SART3: variants seen among roughly 807,000 people sequenced by gnomAD.
SART3 encodes the protein HIV-1 Tat-interacting protein of 110kDa.
Under a neutral mutation model 122.3 loss-of-function variants are expected in SART3, and 44 were observed. The ratio of observed to expected loss-of-function variants is 0.36; its 90% confidence interval spans 0.28 to 0.46. SART3 has a LOEUF of 0.46. Among genes scored for constraint, SART3 ranks in the 20% least tolerant of loss-of-function variants. The pLI, the probability that SART3 is intolerant of heterozygous loss-of-function variation, is 1.00. For missense variants in SART3, 1,101 were observed against 1,229.0 expected, an observed-to-expected ratio of 0.90 and a Z score of 1.56; for synonymous variants, 442 against 454.0, an observed-to-expected ratio of 0.97 and a Z score of 0.34.
chr12:108,541,945 C>T (rs1047516614), intron 6 of SART3, among the ~76,000 whole-genome samples: 1 of 151,102 alleles, frequency 6.6e-6, no homozygotes, highest in African/African-American at 2.4e-5. Flanking sequence ...AACAATCCTC[C>T]TACCTTCGCC....
At chr12:108,558,433 A>C (rs549055122) in intron 1 of SART3, among the ~76,000 whole-genome samples, 6 of 152,320 alleles carry the variant, frequency 3.9e-5, no homozygotes, top group African/African-American at 1.4e-4. Context: ...TGTGTGGTCC[A>C]TTCTAAACTC....
chr12:108,530,073 T>C, intron 15 of SART3, 69 bp downstream of exon 15: 1 of 1,562,014 alleles, frequency 6.4e-7, no homozygotes, highest in South Asian at 1.1e-5. Context: ...AAGAAAGTTC[T>C]TCATACTGTA....
At chr12:108,545,049 T>C (rs1293653790) in intron 4 of SART3, 90 bp downstream of exon 4, 2 of 1,287,500 alleles carry the variant, frequency 1.6e-6, no homozygotes, top group African/African-American at 2.9e-5. Flanking sequence ...AACTGCAAGA[T>C]TCATCATGGA....
chr12:108,528,470 G>A (rs527636275), intron 15 of SART3, among the ~76,000 whole-genome samples: 25 of 134,478 alleles, frequency 1.9e-4, no homozygotes, highest in African/African-American at 3.6e-4. Flanking sequence ...GCGACAGAGC[G>A]AGACTCCCTC....
At chr12:108,525,297 T>C (rs1872319383) in intron 17 of SART3, among the ~76,000 whole-genome samples, 160 bp downstream of exon 17, 1 of 152,254 alleles carries the variant, frequency 6.6e-6, no homozygotes, top group South Asian at 2.1e-4. Flanking sequence ...TGACTCCAAA[T>C]ATAAGTAGAG....
intron 1 of SART3, among the ~76,000 whole-genome samples, chr12:108,557,206 GTT>G (rs71076787): frequency 9.2e-4 from 76 of 82,940 alleles, no homozygotes; most frequent in African/African-American, 3.3e-3. Flanking sequence ...TAATGACATA[GTT>G]TTTTTTTTTT....
Position 108,549,156 on chromosome 12 carries a change from A to G in SART3, c.371T>C (p.Leu124Pro), listed in dbSNP as rs2029890305. 2 of 1,614,202 alleles carry G rather than the reference A, an allele frequency of 1.2e-6. No individual in the cohort carries two copies. The highest frequency in any genetic ancestry group is 1.7e-6 in the Non-Finnish European group (2 of 1,180,014). ...CHVDLIRLLR[L>P]EGELTKVRMA... Reference sequence around the variant, plus strand: ...CCTCACCTTGGTAAGCTCCCCTTCCAGCCTGAGCAGTCTGATCAAGTCCAC... The same window carrying G: ...CCTCACCTTGGTAAGCTCCCCTTCCGGCCTGAGCAGTCTGATCAAGTCCAC... The change falls in exon 2 of 19, where the codon CTG (leucine) becomes CCG (proline). Residue 124 changes from leucine (L) to proline (P), a missense_variant. Physicochemically the swap from Leu to Pro is moderately conservative, Grantham distance 98 (BLOSUM62 -3). Coordinates refer to ENST00000546815, the MANE Select transcript of SART3 (RefSeq NM_014706.4).
At chr12:108,548,736 T>A (rs1873546311) in intron 2 of SART3, among the ~76,000 whole-genome samples, 1 of 152,216 alleles carries the variant, frequency 6.6e-6, no homozygotes, top group African/African-American at 2.4e-5. Flanking sequence ...TAAAAAACTG[T>A]CTGTAAAAGT....
intron 6 of SART3, among the ~76,000 whole-genome samples, chr12:108,542,020 TTTTTTTTGGTAGAGACAG>T (rs1873191473): frequency 1.1e-5 from 1 of 89,984 alleles, no homozygotes; most frequent in Non-Finnish European, 2.2e-5. Flanking sequence ...TTTTTTTTTT[TTTTTTTTGGTAGAGACAG>T]GGTTGTGCTA....
chr12:108,552,900 AATAAAGT>A (rs2030067641), intron 1 of SART3, among the ~76,000 whole-genome samples: 8 of 152,176 alleles, frequency 5.3e-5, no homozygotes, highest in Admixed American at 5.2e-4. Flanking sequence ...CTTGAAAAAG[AATAAAGT>A]GGGAGTAATC....
chr12:108,545,484 C>T (rs1873363135), intron 3 of SART3, among the ~76,000 whole-genome samples, 161 bp from the exon 4 acceptor site: 1 of 152,130 alleles, frequency 6.6e-6, no homozygotes, highest in Non-Finnish European at 1.5e-5. Context: ...GACTAAAAAA[C>T]ATTACAGTCT....
chr12:108,525,675 C>T, intron 16 of SART3, 66 bp from the exon 17 acceptor site: 1 of 1,525,752 alleles, frequency 6.6e-7, no homozygotes, highest in Non-Finnish European at 9.1e-7. Flanking sequence ...CCTGACTCCT[C>T]TGACACCAGC....
intron 13 of SART3, 151 bp from the exon 14 acceptor site, chr12:108,531,431 T>G (rs1210138615): frequency 6.0e-6 from 4 of 663,794 alleles, no homozygotes; most frequent in Non-Finnish European, 1.1e-5. Flanking sequence ...AGTTCAGAAT[T>G]CAAATAGTCC....
intron 1 of SART3, among the ~76,000 whole-genome samples, chr12:108,555,341 G>A (rs977122864): frequency 6.6e-6 from 1 of 152,138 alleles, no homozygotes; most frequent in Admixed American, 6.6e-5. Flanking sequence ...AGACCTCTAT[G>A]GCAAAATGTT....
rs1216346129 is a variant in SART3 at position 108,559,046 on chromosome 12, A to AAAG, written c.312+1796_312+1797insCTT. On this transcript the variant is annotated intron_variant, in intron 1 of 18. Coordinates refer to ENST00000546815, the MANE Select transcript of SART3 (RefSeq NM_014706.4). ...AGACTCCGTCTCAAAAAAGAAAAAA[A>AAAG]AAAAAAAAAAAAAAAGTAGAAATGC... is the stretch of plus-strand genomic sequence containing the variant. Among the ~76,000 whole-genome samples, 11 of 146,044 alleles carry AAAG rather than the reference A, an allele frequency of 7.5e-5. 1 individual carries two copies. The highest frequency in any genetic ancestry group is 3.0e-4 in the African/African-American group (11 of 37,124).
Position 108,549,127 on chromosome 12 carries a change from C to A in SART3, c.400G>T (p.Ala134Ser). 6.2e-7 allele frequency: 1 copy of A among 1,614,148 alleles called. No homozygotes were observed. The highest frequency in any genetic ancestry group is 8.5e-7 in the Non-Finnish European group (1 of 1,180,002). ...LEGELTKVRM[A>S]RQKMSEIFPL... ...AAGATTTCACTCATCTTCTGGCGGGCCATCCTCACCTTGGTAAGCTCCCCT... is the reference window on the plus strand; with the variant it reads ...AAGATTTCACTCATCTTCTGGCGGGACATCCTCACCTTGGTAAGCTCCCCT... Residue 134 changes from alanine (A) to serine (S), a missense_variant, in exon 2 of 19, where the codon GCC becomes TCC. By Grantham distance (99) the Ala-to-Ser change is moderately conservative. Coordinates refer to ENST00000546815, the MANE Select transcript of SART3 (RefSeq NM_014706.4).
intron 11 of SART3, chr12:108,535,703 C>T (rs555593304): frequency 1.0e-4 from 55 of 532,234 alleles, no homozygotes; most frequent in East Asian, 9.4e-4. Context: ...AGAGAGGGAG[C>T]GCACGGTACT....
chr12:108,530,212 TTTC>T lies in SART3; in HGVS notation c.1842_1844del (p.Lys616del), dbSNP rs768490674. ...CGCGCTTCTCTGGGCCTCTGATCTTTTTCTTCTTTTTTAACGCTTTCTTCTCAG... is the reference window on the plus strand; with the variant it reads ...CGCGCTTCTCTGGGCCTCTGATCTTTTTCTTTTTTAACGCTTTCTTCTCAG... On this transcript the variant is annotated inframe_deletion, in exon 15 of 19. Transcript: ENST00000546815. 45 of 1,614,066 alleles carry T rather than the reference TTTC, an allele frequency of 2.8e-5. No homozygotes were observed. The highest frequency in any genetic ancestry group is 1.6e-4 in the Middle Eastern group (1 of 6,084).
chr12:108,554,650 TTTA>T (rs1240563529), intron 1 of SART3, among the ~76,000 whole-genome samples: 2 of 148,412 alleles, frequency 1.3e-5, no homozygotes, highest in Non-Finnish European at 3.0e-5. Context: ...TATTTATATA[TTTA>T]TTATATTGTT....
Sources: allele counts gnomAD v4.1 joint callset (sites outside exome capture counted in the v4.1 genomes callset), GRCh38; gene constraint gnomAD v4.1.1; transcripts MANE v1.5; gene names NCBI Gene and HGNC (gene_info 2026-07-23, HGNC 2026-07-21).